Variants in MAML3 observed in about 807,000 individuals in gnomAD.
MAML3 encodes mastermind like transcriptional coactivator 3, also known as mastermind-like protein 3.
A neutral mutation model predicts 101.9 loss-of-function variants in MAML3; 27 were observed. The observed-to-expected ratio is 0.27, with a 90% confidence interval of 0.20 to 0.37. The LOEUF (loss-of-function observed/expected upper bound fraction) is 0.37. MAML3 is among the 10% of genes least tolerant of loss of function. MAML3 has a pLI of 1.00. For missense variants in MAML3, 1,316 were observed against 1,444.9 expected (o/e 0.91, Z 1.45); for synonymous variants, 501 against 555.9 (o/e 0.90, Z 1.39).
intron 1 of MAML3, among the ~76,000 whole-genome samples, chr4:139,935,192 A>G (rs1560841615): frequency 1.3e-5 from 2 of 149,302 alleles, no homozygotes; most frequent in African/African-American, 2.5e-5. Flanking sequence ...ATGCAGTTAC[A>G]TGGCAACCAT....
chr4:139,941,046 C>G (rs1733587450), intron 1 of MAML3, among the ~76,000 whole-genome samples: 1 of 152,172 alleles, frequency 6.6e-6, no homozygotes, highest in Non-Finnish European at 1.5e-5. Context: ...TTAAAATGTT[C>G]AAATGTTCTT....
At chr4:139,964,682 C>T (rs1364378154) in intron 1 of MAML3, among the ~76,000 whole-genome samples, 4 of 152,014 alleles carry the variant, frequency 2.6e-5, no homozygotes, top group Non-Finnish European at 5.9e-5. Flanking sequence ...GTTTGAATTC[C>T]AAACAATGGT....
At position 140,110,451 on chromosome 4, in the gene MAML3, A is replaced by C. The variant is rs74401894; in HGVS notation, c.468+42409T>G. Reference sequence around the variant, plus strand: ...AATAATAAGATGGATACGCTCTAATAATAAGATGGCTACCTGACTGTCCGG... The same window carrying C: ...AATAATAAGATGGATACGCTCTAATCATAAGATGGCTACCTGACTGTCCGG... On this transcript the variant is annotated intron_variant, in intron 1 of 4. Coordinates refer to ENST00000509479, the MANE Select transcript of MAML3 (RefSeq NM_018717.5). Among the ~76,000 whole-genome samples the C allele has an allele frequency of 5.4e-3, 816 of 152,334 alleles. 12 individuals carry two copies. The highest frequency in any genetic ancestry group is 0.019 in the African/African-American group (776 of 41,578).
intron 1 of MAML3, among the ~76,000 whole-genome samples, chr4:139,964,434 T>G (rs918463464): frequency 5.3e-5 from 8 of 151,810 alleles, no homozygotes; most frequent in Non-Finnish European, 8.8e-5. Context: ...CACCAGGGCC[T>G]GATGGGGGAT....
At chr4:140,088,017 C>T (rs1727985383) in intron 1 of MAML3, among the ~76,000 whole-genome samples, 1 of 152,120 alleles carries the variant, frequency 6.6e-6, no homozygotes, top group Admixed American at 6.5e-5. Flanking sequence ...TTGTTTGAGA[C>T]CAGGAGCTCG....
chr4:139,998,434 C>T (rs1015601137), intron 1 of MAML3, among the ~76,000 whole-genome samples: 8 of 152,116 alleles, frequency 5.3e-5, no homozygotes, highest in African/African-American at 1.9e-4. Flanking sequence ...TCCTTTAATG[C>T]TTTAAACATG....
In MAML3 at chr4:139,953,432, A is replaced by C. The variant is rs556989403; in HGVS notation, c.469-62465T>G. ...CTTGAGGTCAGGAGTTTCAGACCAG[A>C]CTGGCCAACATGGTGAAACTCCATC... is the stretch of plus-strand genomic sequence containing the variant. On this transcript the variant is annotated intron_variant, in intron 1 of 4. Transcript: ENST00000509479. Among the ~76,000 whole-genome samples the C allele has an allele frequency of 2.0e-5, 3 of 152,206 alleles. No individual in the cohort carries two copies. In the East Asian group the frequency reaches 5.8e-4, roughly 29 times the overall value.
intron 1 of MAML3, among the ~76,000 whole-genome samples, chr4:140,006,603 A>G (rs1726451828): frequency 6.9e-6 from 1 of 144,392 alleles, no homozygotes; most frequent in Non-Finnish European, 1.5e-5. Context: ...AAAAAAAAAA[A>G]GTGAAAAAGT....
At chr4:139,847,416 T>C (rs1731469739) in intron 2 of MAML3, among the ~76,000 whole-genome samples, 1 of 152,158 alleles carries the variant, frequency 6.6e-6, no homozygotes, top group African/African-American at 2.4e-5. Flanking sequence ...GTGCTTGTTT[T>C]ACACATGTTT....
At chr4:140,047,028 T>C (rs1430818385) in intron 1 of MAML3, among the ~76,000 whole-genome samples, 5 of 151,930 alleles carry the variant, frequency 3.3e-5, no homozygotes, top group African/African-American at 1.2e-4. Flanking sequence ...GCCATGGTGT[T>C]TCGAAGGACT....
intron 2 of MAML3, among the ~76,000 whole-genome samples, chr4:139,748,682 G>A (rs2111036246): frequency 6.6e-6 from 1 of 152,264 alleles, no homozygotes; most frequent in South Asian, 2.1e-4. Flanking sequence ...CTGGGGTAAG[G>A]AGCAAAAGCA....
intron 1 of MAML3, among the ~76,000 whole-genome samples, chr4:140,005,340 A>G (rs1380420070): frequency 6.6e-6 from 1 of 152,260 alleles, no homozygotes; most frequent in East Asian, 1.9e-4. Flanking sequence ...GGAAATAATC[A>G]ATTCAGAAGA....
chr4:140,057,648 G>A (rs1000398169), intron 1 of MAML3, among the ~76,000 whole-genome samples: 8 of 152,064 alleles, frequency 5.3e-5, no homozygotes, highest in African/African-American at 1.2e-4. Context: ...TGAGATCATC[G>A]TTATGAATAT....
In MAML3 at chr4:140,067,703, A is replaced by T. The variant is rs186490935; in HGVS notation, c.468+85157T>A. Among the ~76,000 whole-genome samples the T allele has an allele frequency of 7.2e-5, 11 of 152,170 alleles. No homozygotes were observed. The East Asian group carries it at 1.9e-3, about 27-fold the overall frequency. The stretch of plus-strand genomic sequence containing the variant: ...AACATTTAAAATGTATATTTCAGGT[A>T]ATACATAAATGTCAATCTTAATCTT... On this transcript the variant is annotated intron_variant, in intron 1 of 4. Transcript: ENST00000509479.
At chr4:139,923,882 G>A (rs971317274) in intron 1 of MAML3, among the ~76,000 whole-genome samples, 15 of 152,014 alleles carry the variant, frequency 9.9e-5, no homozygotes, top group African/African-American at 2.7e-4. Context: ...GGAAGAGAAC[G>A]TTGCAAAAGA....
At chr4:140,074,434 C>T (rs913603712) in intron 1 of MAML3, among the ~76,000 whole-genome samples, 2 of 152,114 alleles carry the variant, frequency 1.3e-5, no homozygotes, top group African/African-American at 4.8e-5. Flanking sequence ...AACAGTCATA[C>T]AGGTTGAACA....
intron 1 of MAML3, among the ~76,000 whole-genome samples, chr4:140,095,588 C>T (rs1728142875): frequency 6.6e-6 from 1 of 152,140 alleles, no homozygotes; most frequent in Non-Finnish European, 1.5e-5. Context: ...CAAATCCATC[C>T]TCCTCACTGC....
intron 1 of MAML3, among the ~76,000 whole-genome samples, chr4:139,971,552 G>A (rs9993920): frequency 0.031 from 4,658 of 152,174 alleles, 236 homozygotes; most frequent in African/African-American, 0.1. Context: ...AAAATGTAAG[G>A]GATCTCCTCA....
At chr4:140,096,126 C>T (rs935592064) in intron 1 of MAML3, among the ~76,000 whole-genome samples, 1 of 152,202 alleles carries the variant, frequency 6.6e-6, no homozygotes, top group African/African-American at 2.4e-5. Flanking sequence ...CATTCTGGTG[C>T]TACCTATTTA....
Sources: gnomAD v4.1 joint callset for allele counts (sites outside exome capture counted in the v4.1 genomes callset) on GRCh38, gnomAD v4.1.1 for gene constraint, MANE v1.5 for transcripts, NCBI Gene and HGNC (gene_info 2026-07-23, HGNC 2026-07-21) for gene names.